ADGRL3: variants seen among roughly 807,000 people sequenced by gnomAD.
ADGRL3 encodes adhesion G protein-coupled receptor L3, also known as calcium-independent alpha-latrotoxin receptor 3.
In ADGRL3, 62 loss-of-function variants were observed where a neutral mutation model predicts 153.5. The ratio of observed to expected loss-of-function variants is 0.40; its 90% confidence interval spans 0.33 to 0.50. ADGRL3 has a LOEUF of 0.50. Among genes scored for constraint, ADGRL3 ranks in the 20% least tolerant of loss-of-function variants. ADGRL3 has a pLI of 0.47. For synonymous variants in ADGRL3, 710 were observed against 672.5 expected, an observed-to-expected ratio of 1.06 and a Z score of -0.86; for missense variants, 1,641 against 1,859.4, an observed-to-expected ratio of 0.88 and a Z score of 2.16.
intron 2 of ADGRL3, among the ~76,000 whole-genome samples, chr4:61,422,830 T>G (rs186216652): frequency 1.3e-5 from 2 of 151,592 alleles, no homozygotes; most frequent in African/African-American, 2.4e-5. Context: ...ATAATATATA[T>G]TCTTAGAAAT....
intron 5 of ADGRL3, among the ~76,000 whole-genome samples, chr4:61,617,520 G>A (rs566836653): frequency 2.0e-5 from 3 of 152,136 alleles, no homozygotes; most frequent in African/African-American, 7.2e-5. Context: ...ACTGGTTCTT[G>A]CACCTCTTAG....
At chr4:61,327,867 A>G (rs2095495668) in intron 1 of ADGRL3, among the ~76,000 whole-genome samples, 2 of 152,118 alleles carry the variant, frequency 1.3e-5, no homozygotes, top group South Asian at 4.1e-4. Flanking sequence ...GATGATGTTC[A>G]GTAGTTTTAA....
chr4:61,878,172 C>A (rs1391373026), intron 9 of ADGRL3, among the ~76,000 whole-genome samples: 2 of 152,118 alleles, frequency 1.3e-5, no homozygotes, highest in Non-Finnish European at 2.9e-5. Flanking sequence ...TCCTAATCTC[C>A]CCTTCTTATA....
chr4:62,045,431 C>G (rs1283101729), intron 25 of ADGRL3, among the ~76,000 whole-genome samples: 2 of 151,794 alleles, frequency 1.3e-5, no homozygotes, highest in Non-Finnish European at 2.9e-5. Context: ...TTTTTATGAT[C>G]GATATTATTA....
intron 6 of ADGRL3, among the ~76,000 whole-genome samples, chr4:61,690,397 T>C (rs1366123198): frequency 6.6e-6 from 1 of 151,670 alleles, no homozygotes; most frequent in Non-Finnish European, 1.5e-5. Flanking sequence ...GTCATACCAC[T>C]GCACACCAGC....
At chr4:61,598,012 A>T (rs1286963415) in intron 5 of ADGRL3, among the ~76,000 whole-genome samples, 1 of 152,118 alleles carries the variant, frequency 6.6e-6, no homozygotes, top group Non-Finnish European at 1.5e-5. Flanking sequence ...ATCATAATAC[A>T]GGTTTTTCAC....
intron 4 of ADGRL3, among the ~76,000 whole-genome samples, chr4:61,551,236 A>G (rs543497114): frequency 6.6e-6 from 1 of 152,080 alleles, no homozygotes; most frequent in Non-Finnish European, 1.5e-5. Context: ...AACACTTAAA[A>G]CTTAATTATT....
At chr4:61,569,333 T>G (rs549262271) in intron 4 of ADGRL3, among the ~76,000 whole-genome samples, 6 of 152,196 alleles carry the variant, frequency 3.9e-5, no homozygotes, top group Non-Finnish European at 1.5e-5. Context: ...TTTTATAGTA[T>G]ATTTATACAG....
intron 4 of ADGRL3, among the ~76,000 whole-genome samples, chr4:61,555,459 T>A (rs1394750691): frequency 6.6e-6 from 1 of 152,192 alleles, no homozygotes; most frequent in Non-Finnish European, 1.5e-5. Flanking sequence ...ATTCTACTTC[T>A]GTTTCAGTAA....
rs943565913 is a variant in ADGRL3, at chr4:61,767,553, T to C, written c.1399+33999T>C. ...GGGGGCTTCCGAGGCAATCGGGCAG[T>C]GTCAGTCTTCAGCCGGTAAGCCAAG... On this transcript the variant is annotated intron_variant, in intron 8 of 26. Coordinates refer to ENST00000683033, the MANE Select transcript of ADGRL3 (RefSeq NM_001387552.1). 1.1e-4 allele frequency among the ~76,000 whole-genome samples: 16 copies of C among 152,098 alleles called. No individual in the cohort carries two copies. In the East Asian group the frequency reaches 2.1e-3, roughly 20 times the overall value.
chr4:61,516,325 C>T (rs555441796), intron 3 of ADGRL3, among the ~76,000 whole-genome samples: 1 of 151,890 alleles, frequency 6.6e-6, no homozygotes, highest in African/African-American at 2.4e-5. Context: ...AGCCACATAA[C>T]ATTATTAATG....
intron 8 of ADGRL3, chr4:61,775,845 G>A: frequency 5.7e-6 from 3 of 524,560 alleles, no homozygotes; most frequent in Non-Finnish European, 1.1e-5. Context: ...TACCTTCCTC[G>A]GCCATGGCGG....
intron 6 of ADGRL3, among the ~76,000 whole-genome samples, chr4:61,695,351 G>A (rs1389205620): frequency 2.0e-5 from 3 of 152,158 alleles, no homozygotes; most frequent in Non-Finnish European, 2.9e-5. Flanking sequence ...CAACATTAAT[G>A]TCCTTGTACA....
Position 61,629,721 on chromosome 4 carries a change from CAAAAAAAAAAAAAAAAAAAAAAA to C in ADGRL3, c.473+42304_473+42326del, listed in dbSNP as rs59504485. ...GACAATGCAAGACTCCGTCTCGGGG[CAAAAAAAAAAAAAAAAAAAAAAA>C]AAAAAAAAAAAAAAAAAAAAAATTC... is the stretch of plus-strand genomic sequence containing the variant. On this transcript the variant is annotated intron_variant, in intron 5 of 26. Coordinates refer to ENST00000683033, the MANE Select transcript of ADGRL3 (RefSeq NM_001387552.1). Among the ~76,000 whole-genome samples the C allele has an allele frequency of 2.8e-3, 94 of 33,442 alleles. 1 individual carries two copies. The highest frequency in any genetic ancestry group is 0.01 in the Admixed American group (16 of 1,580). 21.9% of individuals were successfully genotyped at this position (33,442 alleles called of 152,430 possible). A position where few individuals can be genotyped will look rare whatever the true frequency, so the allele number is the denominator to read the frequency against.
intron 8 of ADGRL3, among the ~76,000 whole-genome samples, chr4:61,737,458 A>C (rs1287724659): frequency 6.6e-6 from 1 of 152,202 alleles, no homozygotes; most frequent in Non-Finnish European, 1.5e-5. Context: ...TAGGCTTCTG[A>C]ACATGAGCTT....
intron 4 of ADGRL3, among the ~76,000 whole-genome samples, chr4:61,533,813 TA>T (rs926373896): frequency 6.6e-6 from 1 of 152,172 alleles, no homozygotes; most frequent in African/African-American, 2.4e-5. Context: ...AATTTTAGCG[TA>T]AAAAATATGC....
At chr4:61,620,099 C>G (rs1379591339) in intron 5 of ADGRL3, among the ~76,000 whole-genome samples, 1 of 151,332 alleles carries the variant, frequency 6.6e-6, no homozygotes, top group African/African-American at 2.4e-5. Context: ...TGGCTTTATG[C>G]TTCTTCCTTT....
chr4:61,300,138 T>A (rs76172132), intron 1 of ADGRL3, among the ~76,000 whole-genome samples: 1 of 152,204 alleles, frequency 6.6e-6, no homozygotes, highest in Non-Finnish European at 1.5e-5. Flanking sequence ...GAATAACTCA[T>A]TTTTCATATA....
chr4:61,844,256 G>C (rs1476544392), intron 9 of ADGRL3, among the ~76,000 whole-genome samples: 1 of 151,300 alleles, frequency 6.6e-6, no homozygotes, highest in Non-Finnish European at 1.5e-5. Flanking sequence ...TAATTAAAAT[G>C]TCTATAGATG....
Sources: allele counts gnomAD v4.1 joint callset (sites outside exome capture counted in the v4.1 genomes callset), GRCh38; gene constraint gnomAD v4.1.1; transcripts MANE v1.5; gene names NCBI Gene and HGNC (gene_info 2026-07-23, HGNC 2026-07-21).